Variants in EPG5 observed in about 807,000 individuals in gnomAD.
EPG5 encodes ectopic P granules protein 5 homolog.
EPG5 carries 159 observed loss-of-function variants against 302.7 expected under a neutral mutation model. The ratio of observed to expected loss-of-function variants is 0.53; its 90% CI spans 0.46 to 0.60. The LOEUF is 0.60. Among genes scored for constraint, EPG5 ranks in the 20% least tolerant of loss-of-function variants. The probability of loss-of-function intolerance (pLI) is 0.00; values close to 1 mark genes in which losing one functional copy is unlikely to be tolerated. For missense variants in EPG5, 2,896 were observed against 3,092.4 expected (o/e 0.94, Z 1.51); for synonymous variants, 1,158 against 1,136.8 (o/e 1.02, Z -0.37).
At position 45,943,273 on chromosome 18, in the gene EPG5, T is replaced by C. The variant is rs561314071; in HGVS notation, c.1831A>G (p.Met611Val). 1 of 1,614,120 alleles carries C rather than the reference T, an allele frequency of 6.2e-7. No homozygotes were observed. The highest frequency in any genetic ancestry group is 1.1e-5 in the South Asian group (1 of 91,074). ...GAGTTGGCAAAGGCAAAAATTTTCATCATCTCTTGAGGTCTTGTTGTTTCA... is the reference window on the plus strand; with the variant it reads ...GAGTTGGCAAAGGCAAAAATTTTCACCATCTCTTGAGGTCTTGTTGTTTCA... ...LPETTRPQEM[M>V]KIFAFANSLV... Residue 611 changes from methionine (M) to valine (V), a missense_variant, in exon 9 of 44, where the codon ATG becomes GTG. Around this residue, in one of 5 missense-constraint regions of EPG5, gnomAD observed 1,390 missense variants for 1,430.0 expected, o/e 0.97. Coordinates refer to ENST00000282041, the MANE Select transcript of EPG5 (RefSeq NM_020964.3).
intron 10 of EPG5, among the ~76,000 whole-genome samples, chr18:45,936,720 C>CAAAAAAAAAAAAAAAAAAAAA: frequency 1.9e-5 from 1 of 53,864 alleles, no homozygotes; most frequent in Non-Finnish European, 3.6e-5. Flanking sequence ...GACTCCATTT[C>CAAAAAAAAAAAAAAAAAAAAA]AAAAAAAAAA....
chr18:45,889,972 T>G, intron 27 of EPG5, 32 bp from the exon 28 acceptor site: 1 of 1,525,114 alleles, frequency 6.6e-7, no homozygotes, highest in Non-Finnish European at 8.8e-7. Flanking sequence ...AAAAGACATT[T>G]CCCCCCATGT....
At chr18:45,909,647 C>T (rs1240414549) in intron 23 of EPG5, among the ~76,000 whole-genome samples, 1 of 152,110 alleles carries the variant, frequency 6.6e-6, no homozygotes, top group Non-Finnish European at 1.5e-5. Flanking sequence ...AGTTCTTAAC[C>T]TTTTAGAGGA....
At chr18:45,827,610 A>T in the EPG5 span, among the ~76,000 whole-genome samples, 2 of 152,138 alleles carry the variant, frequency 1.3e-5, no homozygotes, top group Non-Finnish European at 2.9e-5. Flanking sequence ...ACCTTTCTTG[A>T]GTCCCTGTAA....
intron 2 of EPG5, 23 bp downstream of exon 2, chr18:45,954,371 C>T (rs927670222): frequency 6.4e-7 from 1 of 1,560,852 alleles, no homozygotes; most frequent in Non-Finnish European, 8.7e-7. Flanking sequence ...GCTGCAAATT[C>T]CCCAGGCTTC....
intron 3 of EPG5, among the ~76,000 whole-genome samples, chr18:45,951,461 A>G (rs902414179): frequency 6.9e-6 from 1 of 144,926 alleles, no homozygotes; most frequent in Non-Finnish European, 1.5e-5. Context: ...CCTCATCATA[A>G]TTTTTTTTTT....
chr18:45,943,890 A>G (rs1176585261), intron 8 of EPG5, 115 bp downstream of exon 8: 9 of 658,568 alleles, frequency 1.4e-5, no homozygotes, highest in South Asian at 9.4e-5. Context: ...CACTGCACTC[A>G]GGCCTGGGCG....
At chr18:45,842,480 C>A in the EPG5 span, 1 of 357,442 alleles carries the variant, frequency 2.8e-6, no homozygotes, top group East Asian at 4.8e-5. Context: ...TTAGCTTGAG[C>A]GTGAAACTTC....
rs867042691 is a variant in EPG5 at position 45,850,145 on chromosome 18, C to T, written c.*2322G>A. ...TTGGTCCCGATGCCACTGTTGGCCA[C>T]CCTGTGGTGAAGTCTGGAGCCTGCA... is the stretch of plus-strand genomic sequence containing the variant. On this transcript the variant is annotated 3_prime_UTR_variant, in exon 44 of 44. Coordinates refer to ENST00000282041, the MANE Select transcript of EPG5 (RefSeq NM_020964.3). 2.0e-5 allele frequency: 3 copies of T among 152,352 alleles called. No individual in the cohort carries two copies. Among genetic ancestry groups the T allele is most frequent in the African/African-American group, 7.2e-5 (3 of 41,460 alleles). 9.4% of individuals were successfully genotyped at this position (152,352 alleles called of 1,614,324 possible).
chr18:45,871,472 C>T (rs573637029), intron 35 of EPG5, among the ~76,000 whole-genome samples: 1 of 152,236 alleles, frequency 6.6e-6, no homozygotes, highest in South Asian at 2.1e-4. Context: ...AAGGGATAAC[C>T]ACACTCCCAT....
chr18:45,861,698 TC>T (rs1299828324), intron 39 of EPG5, among the ~76,000 whole-genome samples: 2 of 152,220 alleles, frequency 1.3e-5, no homozygotes, highest in African/African-American at 4.8e-5. Flanking sequence ...ACTTACAATA[TC>T]TACATGAAAC....
intron 38 of EPG5, among the ~76,000 whole-genome samples, chr18:45,865,991 T>C (rs2048738579): frequency 6.6e-6 from 1 of 152,192 alleles, no homozygotes; most frequent in Non-Finnish European, 1.5e-5. Context: ...GGCAGAATAC[T>C]CTTCCTTTTT....
the EPG5 span, among the ~76,000 whole-genome samples, chr18:45,839,656 G>A: frequency 2.6e-5 from 4 of 152,262 alleles, no homozygotes; most frequent in East Asian, 7.7e-4. Flanking sequence ...CACACAAGCC[G>A]TGCTGGGAGA....
intron 7 of EPG5, among the ~76,000 whole-genome samples, chr18:45,945,637 C>A (rs958343582): frequency 2.6e-5 from 4 of 151,972 alleles, no homozygotes; most frequent in Admixed American, 1.3e-4. Flanking sequence ...GGAAACCTAC[C>A]AGAAAAAAAG....
intron 39 of EPG5, among the ~76,000 whole-genome samples, chr18:45,861,203 T>A (rs1466576831): frequency 6.6e-6 from 1 of 152,198 alleles, no homozygotes; most frequent in Non-Finnish European, 1.5e-5. Context: ...TCACTTAATC[T>A]TTCTGTACGA....
chr18:45,920,171 C>G lies in EPG5; in HGVS notation c.3098+2170G>C, dbSNP rs545437933. Among the ~76,000 whole-genome samples the G allele has an allele frequency of 2.6e-5, 4 of 152,290 alleles. No individual in the cohort carries two copies. The South Asian group carries it at 6.2e-4, about 24-fold the overall frequency. ...TCCTTTCCACATTCATTCAACCCAC[C>G]AGCATTTGTTGAATACCTACTAAGT... On this transcript the variant is annotated intron_variant, in intron 16 of 43. Transcript: ENST00000282041.
intron 22 of EPG5, among the ~76,000 whole-genome samples, chr18:45,911,086 C>T (rs1173285525): frequency 2.1e-5 from 3 of 141,330 alleles, no homozygotes; most frequent in Non-Finnish European, 4.6e-5. Context: ...TATACACACA[C>T]ACACACACAC....
intron 9 of EPG5, among the ~76,000 whole-genome samples, chr18:45,941,354 G>A (rs892667043): frequency 6.6e-6 from 1 of 152,200 alleles, no homozygotes; most frequent in Non-Finnish European, 1.5e-5. Flanking sequence ...CTGGCCACTG[G>A]ATCTGGAGCA....
Position 45,952,307 on chromosome 18 carries a change from G to A in EPG5, c.1252+93C>T. ...TGCAAGCACAAATGGTACCTTGTAA[G>A]ACCAATTACTATACAGTCAATTCAA... On this transcript the variant is annotated intron_variant, in intron 3 of 43. Coordinates refer to ENST00000282041, the MANE Select transcript of EPG5 (RefSeq NM_020964.3). 8.9e-6 allele frequency: 13 copies of A among 1,460,542 alleles called. No homozygotes were observed. In the South Asian group the frequency reaches 1.6e-4, roughly 18 times the overall value. The allele number at this position is 1,460,542 out of a possible 1,614,324, so 90.5% of individuals were successfully genotyped here.
Sources: gnomAD v4.1 joint callset for allele counts (sites outside exome capture counted in the v4.1 genomes callset) on GRCh38, gnomAD v4.1.1 for gene constraint, gnomAD v4.1.1 regional missense constraint, MANE v1.5 for transcripts, NCBI Gene and HGNC (gene_info 2026-07-23, HGNC 2026-07-21) for gene names.